Variants in FOXP2 observed in about 807,000 individuals in gnomAD.
FOXP2 encodes the protein forkhead box protein P2.
Under a neutral mutation model 115.8 loss-of-function variants are expected in FOXP2, and 12 were observed. The ratio of observed to expected loss-of-function variants is 0.10; its 90% CI spans 0.07 to 0.17. The LOEUF is 0.17. Ranked by LOEUF, FOXP2 falls within the 10% of genes least tolerant of loss-of-function variation. FOXP2 has a pLI of 1.00. For missense variants in FOXP2, 629 were observed against 843.5 expected, an observed-to-expected ratio of 0.75 and a Z score of 3.15; for synonymous variants, 328 against 297.7, an observed-to-expected ratio of 1.10 and a Z score of -1.05.
intron 8 of FOXP2, among the ~76,000 whole-genome samples, chr7:114,649,318 A>T (rs1166216643): frequency 6.6e-6 from 1 of 152,122 alleles, no homozygotes; most frequent in Non-Finnish European, 1.5e-5. Flanking sequence ...AGTATTATGG[A>T]GCATTCATAT....
intron 2 of FOXP2, among the ~76,000 whole-genome samples, chr7:114,334,789 G>A (rs1309814911): frequency 5.3e-5 from 8 of 150,878 alleles, no homozygotes; most frequent in Admixed American, 2.6e-4. Flanking sequence ...TTTATGAAGT[G>A]ATACCTTTAA....
chr7:114,410,740 C>G (rs1793142404), upstream of FOXP2, among the ~76,000 whole-genome samples: 2 of 151,950 alleles, frequency 1.3e-5, no homozygotes, highest in Admixed American at 1.3e-4. Flanking sequence ...GAAAAGATGT[C>G]TTGGATATGT....
rs142339151 is a variant in FOXP2 at position 114,356,428 on chromosome 7, C to T, written c.-11+68319C>T. ...TGGTAAGGCAGGAAAGCGGTCTCTC[C>T]GTGGCTAAAACTAAAAAGGTAAAAT... On this transcript the variant is annotated intron_variant, in intron 2 of 17. Transcript: ENST00000634411. Among the ~76,000 whole-genome samples the T allele has an allele frequency of 3.4e-3, 521 of 152,166 alleles. 3 individuals are homozygous for T. The highest frequency in any genetic ancestry group is 0.012 in the African/African-American group (501 of 41,534).
intron 2 of FOXP2, among the ~76,000 whole-genome samples, chr7:114,405,940 CT>C (rs982553278): frequency 6.6e-6 from 1 of 151,632 alleles, no homozygotes; most frequent in African/African-American, 2.4e-5. Context: ...ATAATGCTGA[CT>C]TTTTTTATGG....
intron 2 of FOXP2, among the ~76,000 whole-genome samples, chr7:114,523,210 G>GAT (rs1798707059): frequency 1.3e-5 from 2 of 152,268 alleles, no homozygotes; most frequent in Admixed American, 6.5e-5. Context: ...TGATAGGGAT[G>GAT]AGATCATACA....
chr7:114,241,163 G>A (rs1431878782), intron 1 of FOXP2, among the ~76,000 whole-genome samples: 1 of 151,824 alleles, frequency 6.6e-6, no homozygotes, highest in African/African-American at 2.4e-5. Context: ...CTTATTGAGT[G>A]TTTACTTTTA....
chr7:114,153,009 G>A (rs1282307368), intron 1 of FOXP2, among the ~76,000 whole-genome samples: 2 of 152,052 alleles, frequency 1.3e-5, no homozygotes, highest in Non-Finnish European at 2.9e-5. Flanking sequence ...TGATTGAAAT[G>A]TTTTCTTTAG....
chr7:114,645,239 ATAG>A (rs1219161569), intron 8 of FOXP2: 110 of 145,492 alleles, frequency 7.6e-4, no homozygotes, highest in Non-Finnish European at 1.5e-3. Context: ...ATTTTTTAAA[ATAG>A]TAGTATTTAG....
intron 2 of FOXP2, among the ~76,000 whole-genome samples, chr7:114,515,933 T>G (rs1798319004): frequency 6.6e-6 from 1 of 152,096 alleles, no homozygotes; most frequent in Admixed American, 6.6e-5. Flanking sequence ...TGGAAGAACA[T>G]TCCATGCTCA....
At chr7:114,219,500 A>G (rs1337342749) in intron 1 of FOXP2, among the ~76,000 whole-genome samples, 1 of 152,182 alleles carries the variant, frequency 6.6e-6, no homozygotes, top group African/African-American at 2.4e-5. Flanking sequence ...TTTGTTTTAA[A>G]CATTGTTAGC....
At chr7:114,573,716 A>G (rs1801433780) in intron 3 of FOXP2, among the ~76,000 whole-genome samples, 1 of 151,772 alleles carries the variant, frequency 6.6e-6, no homozygotes, top group South Asian at 2.1e-4. Flanking sequence ...ATTAATTTTT[A>G]CTCTTCCTAT....
At chr7:114,386,388 C>A (rs1392191014) in intron 2 of FOXP2, among the ~76,000 whole-genome samples, 2 of 152,074 alleles carry the variant, frequency 1.3e-5, no homozygotes, top group Admixed American at 6.5e-5. Context: ...TCTAGAAAAA[C>A]AAAAGCACAA....
chr7:114,594,568 G>T (rs1802602793), intron 3 of FOXP2, among the ~76,000 whole-genome samples: 1 of 151,906 alleles, frequency 6.6e-6, no homozygotes, highest in East Asian at 1.9e-4. Context: ...AATGAAGTTT[G>T]CAAAAACAAC....
intron 8 of FOXP2, 90 bp downstream of exon 8, chr7:114,644,879 G>T (rs1401836817): frequency 2.0e-6 from 2 of 990,604 alleles, no homozygotes; most frequent in Non-Finnish European, 1.6e-6. Context: ...GATGAAGGAG[G>T]AATGTAAAAG....
At chr7:114,468,074 C>T (rs1795888613) in intron 2 of FOXP2, among the ~76,000 whole-genome samples, 1 of 152,134 alleles carries the variant, frequency 6.6e-6, no homozygotes, top group South Asian at 2.1e-4. Flanking sequence ...TAGCTGTGAT[C>T]TCTACCCAAA....
chr7:114,612,923 G>A (rs1004396044), intron 3 of FOXP2, among the ~76,000 whole-genome samples: 4 of 152,144 alleles, frequency 2.6e-5, no homozygotes, highest in Non-Finnish European at 4.4e-5. Flanking sequence ...ACCAGACCCT[G>A]TCACCAACCT....
chr7:114,419,336 A>C (rs1370571781), intron 1 of FOXP2, among the ~76,000 whole-genome samples: 1 of 151,954 alleles, frequency 6.6e-6, no homozygotes, highest in Non-Finnish European at 1.5e-5. Context: ...TAGGTTTGAA[A>C]TTTGACGGAA....
intron 3 of FOXP2, among the ~76,000 whole-genome samples, chr7:114,566,698 G>C (rs1039408348): frequency 6.6e-6 from 1 of 151,894 alleles, no homozygotes; most frequent in African/African-American, 2.4e-5. Flanking sequence ...CAACATAAAT[G>C]TACTAAGACA....
intron 3 of FOXP2, among the ~76,000 whole-genome samples, chr7:114,595,236 A>G (rs953722573): frequency 6.6e-6 from 1 of 152,030 alleles, no homozygotes; most frequent in Non-Finnish European, 1.5e-5. Flanking sequence ...CTCTTTTGCT[A>G]CAGGCTTTCT....
Sources: gnomAD v4.1 joint callset for allele counts (sites outside exome capture counted in the v4.1 genomes callset) on GRCh38, gnomAD v4.1.1 for gene constraint, MANE v1.5 for transcripts, NCBI Gene and HGNC (gene_info 2026-07-23, HGNC 2026-07-21) for gene names.